The following IGSF5 variants were observed in gnomAD, a reference collection of about 807,000 sequenced individuals.
The protein encoded by IGSF5 is immunoglobulin superfamily member 5.
In IGSF5, 41 loss-of-function variants were observed where a neutral mutation model predicts 39.4. That is an observed-to-expected ratio of 1.04 (90% confidence interval 0.81 to 1.35). The LOEUF (loss-of-function observed/expected upper bound fraction) is 1.35. Ranked by LOEUF, IGSF5 falls within the 40% of genes most tolerant of loss-of-function variation. The pLI, the probability that IGSF5 is intolerant of heterozygous loss-of-function variation, is 0.00. For synonymous variants in IGSF5, 183 were observed against 175.3 expected, an observed-to-expected ratio of 1.04 and a Z score of -0.34; for missense variants, 487 against 494.6, an observed-to-expected ratio of 0.98 and a Z score of 0.15.
intron 6 of IGSF5, 131 bp downstream of exon 6, chr21:39,788,319 G>A: frequency 1.5e-6 from 1 of 656,516 alleles, no homozygotes; most frequent in Non-Finnish European, 2.6e-6. Flanking sequence ...AGTACCAGAG[G>A]TAGACAATGC....
intron 7 of IGSF5, among the ~76,000 whole-genome samples, chr21:39,792,650 A>G (rs1258392676): frequency 6.6e-6 from 1 of 152,162 alleles, no homozygotes. Context: ...AGAGTCAAGT[A>G]AGAGATCTCT....
the IGSF5 span, among the ~76,000 whole-genome samples, chr21:39,733,438 G>A: frequency 7.9e-5 from 12 of 152,140 alleles, no homozygotes; most frequent in African/African-American, 2.4e-4. Context: ...TTCTAATAGC[G>A]AAAGTGGTGC....
At chr21:39,730,919 C>T in the IGSF5 span, among the ~76,000 whole-genome samples, 5 of 152,312 alleles carry the variant, frequency 3.3e-5, no homozygotes, top group South Asian at 1.0e-3. Context: ...AAGAAACCAA[C>T]AAAAGGCCCC....
At chr21:39,791,820 A>C in intron 6 of IGSF5, 188 bp from the exon 7 acceptor site, 1 of 536,604 alleles carries the variant, frequency 1.9e-6, no homozygotes, top group Non-Finnish European at 3.4e-6. Context: ...CCATAATGGG[A>C]ATGTGTGAGT....
intron 2 of IGSF5, among the ~76,000 whole-genome samples, chr21:39,757,579 CTTT>C (rs35315186): frequency 1.6e-4 from 21 of 130,704 alleles, no homozygotes; most frequent in African/African-American, 4.5e-4. Flanking sequence ...AATGTGCATT[CTTT>C]TTTTTTTTTT....
chr21:39,778,457 C>T (rs1018062019), intron 4 of IGSF5, among the ~76,000 whole-genome samples: 2 of 152,168 alleles, frequency 1.3e-5, no homozygotes, highest in Non-Finnish European at 2.9e-5. Context: ...CCTCCCACCT[C>T]CATGACTACT....
At chr21:39,791,930 G>A (rs1266572517) in intron 6 of IGSF5, 78 bp from the exon 7 acceptor site, 48 of 875,110 alleles carry the variant, frequency 5.5e-5, no homozygotes, top group Non-Finnish European at 7.8e-5. Flanking sequence ...CGTGAACTAC[G>A]TAGGTATCCA....
chr21:39,786,218 G>A (rs2146290795), intron 5 of IGSF5, among the ~76,000 whole-genome samples: 1 of 151,868 alleles, frequency 6.6e-6, no homozygotes, highest in African/African-American at 2.4e-5. Flanking sequence ...TCTGACAAAG[G>A]GCTAATATCC....
At chr21:39,736,659 C>T in the IGSF5 span, among the ~76,000 whole-genome samples, 5 of 152,206 alleles carry the variant, frequency 3.3e-5, no homozygotes, top group Non-Finnish European at 4.4e-5. Context: ...AGTCCCGGCC[C>T]GGGGTCACCG....
At chr21:39,751,582 G>A (rs1327979471) in intron 2 of IGSF5, among the ~76,000 whole-genome samples, 3 of 142,000 alleles carry the variant, frequency 2.1e-5, no homozygotes, top group Admixed American at 7.0e-5. Flanking sequence ...CTGTTCTTGG[G>A]ATGGGTTGAA....
the IGSF5 span, chr21:39,730,020 T>C: frequency 8.5e-5 from 13 of 152,114 alleles, 1 homozygote; most frequent in Admixed American, 8.5e-4. Context: ...CACCATAACC[T>C]GGTGGCTTAG....
Position 39,781,802 on chromosome 21 carries a change from A to G in IGSF5, c.934+2497A>G, listed in dbSNP as rs544033368. Among the ~76,000 whole-genome samples, 49 of 152,226 alleles carry G rather than the reference A, an allele frequency of 3.2e-4. 1 individual carries two copies. In the South Asian group the frequency reaches 4.4e-3, roughly 14 times the overall value. On this transcript the variant is annotated intron_variant, in intron 5 of 8. Coordinates refer to ENST00000380588, the MANE Select transcript of IGSF5 (RefSeq NM_001080444.2). ...ATATGTTTTTATAACTTGTCATTCTATATCTTTTGCTCATTATTTTCTCTC... is the reference window on the plus strand; with the variant it reads ...ATATGTTTTTATAACTTGTCATTCTGTATCTTTTGCTCATTATTTTCTCTC...
the IGSF5 span, among the ~76,000 whole-genome samples, chr21:39,725,253 A>T: frequency 5.9e-5 from 9 of 152,254 alleles, no homozygotes; most frequent in African/African-American, 2.2e-4. Context: ...ATGTTTAAAC[A>T]TATTTTAGAT....
intron 2 of IGSF5, among the ~76,000 whole-genome samples, chr21:39,758,984 G>C (rs1321856024): frequency 6.6e-6 from 1 of 152,222 alleles, no homozygotes; most frequent in Non-Finnish European, 1.5e-5. Flanking sequence ...TTGAGACCAA[G>C]AGCATTCAGT....
the IGSF5 span, among the ~76,000 whole-genome samples, chr21:39,739,677 T>C: frequency 4.0e-5 from 6 of 151,724 alleles, no homozygotes; most frequent in African/African-American, 1.2e-4. Context: ...TGGCCTGGGG[T>C]GTAGTAGGGG....
At chr21:39,754,583 G>A (rs1418533825) in intron 2 of IGSF5, among the ~76,000 whole-genome samples, 2 of 152,312 alleles carry the variant, frequency 1.3e-5, no homozygotes, top group South Asian at 4.1e-4. Flanking sequence ...GAGTGTGTTT[G>A]CCTCTCGTCA....
chr21:39,790,012 C>A (rs936178878), intron 6 of IGSF5, among the ~76,000 whole-genome samples: 1 of 152,308 alleles, frequency 6.6e-6, no homozygotes, highest in Admixed American at 6.5e-5. Context: ...ACAAAAAGCA[C>A]AAATGCCTGG....
chr21:39,782,287 G>A (rs954158468), intron 5 of IGSF5, among the ~76,000 whole-genome samples: 8 of 152,104 alleles, frequency 5.3e-5, no homozygotes, highest in South Asian at 2.1e-4. Context: ...GTAGCTTTCC[G>A]TTTTAGTGTT....
rs1405630579 is a variant in IGSF5, at chr21:39,801,385, A to C, written c.*28A>C. On this transcript the variant is annotated 3_prime_UTR_variant, in exon 9 of 9. Transcript: ENST00000380588. ...AAGCCTTCCCCAAGCTCCACTGAGC[A>C]CTTGGCTGACAATTCAAAACACGGC... The C allele has an allele frequency of 5.3e-6, 8 of 1,522,344 alleles. No homozygotes were observed. Among genetic ancestry groups the C allele is most frequent in the Non-Finnish European group, 6.4e-6 (7 of 1,097,408 alleles). 94.3% of individuals were successfully genotyped at this position (1,522,344 alleles called of 1,614,324 possible).
Sources: gnomAD v4.1 joint callset for allele counts (sites outside exome capture counted in the v4.1 genomes callset) on GRCh38, gnomAD v4.1.1 for gene constraint, MANE v1.5 for transcripts, NCBI Gene and HGNC (gene_info 2026-07-23, HGNC 2026-07-21) for gene names.